EYS: variants seen among roughly 807,000 people sequenced by gnomAD.
EYS encodes EGF-like photoreceptor maintenance factor.
Under a neutral mutation model 282.1 loss-of-function variants are expected in EYS, and 250 were observed. That is an observed-to-expected ratio of 0.89 (90% CI 0.80 to 0.98). The LOEUF (loss-of-function observed/expected upper bound fraction) is 0.98, where lower values mean the gene tolerates loss of function less well. EYS is among the 50% of genes least tolerant of loss of function. The pLI, the probability that EYS is intolerant of heterozygous loss-of-function variation, is 0.00. For synonymous variants in EYS, 1,355 were observed against 1,282.9 expected, an observed-to-expected ratio of 1.06 and a Z score of -1.20; for missense variants, 4,016 against 3,709.0, an observed-to-expected ratio of 1.08 and a Z score of -2.15.
chr6:64,628,012 G>T (rs1199013470), intron 22 of EYS, among the ~76,000 whole-genome samples: 1 of 152,114 alleles, frequency 6.6e-6, no homozygotes, highest in Admixed American at 6.5e-5. Context: ...CCAGGGAGGC[G>T]GAGCTTGCAG....
intron 2 of EYS, among the ~76,000 whole-genome samples, chr6:65,609,083 T>C (rs1334466218): frequency 6.6e-6 from 1 of 152,064 alleles, no homozygotes; most frequent in Admixed American, 6.6e-5. Flanking sequence ...CATAATCTTT[T>C]ATTATAAAGT....
intron 12 of EYS, among the ~76,000 whole-genome samples, chr6:65,067,695 A>T (rs1027007530): frequency 6.6e-6 from 1 of 152,124 alleles, no homozygotes. Context: ...ATTTGCAAGT[A>T]ATGTCTCCCA....
At chr6:64,495,028 G>C (rs4590249) in intron 26 of EYS, among the ~76,000 whole-genome samples, 63,919 of 151,246 alleles carry the variant, frequency 0.42, 14,221 homozygotes, top group African/African-American at 0.59. Flanking sequence ...TAATTACTGT[G>C]ATATGTAAGA....
intron 41 of EYS, among the ~76,000 whole-genome samples, chr6:63,730,443 A>T (rs1478069882): frequency 2.6e-5 from 4 of 152,176 alleles, no homozygotes; most frequent in Admixed American, 6.5e-5. Context: ...GCTTTGCATG[A>T]TTTGGCCTCC....
rs1368835147 is a variant in EYS, at chr6:64,686,787, A to G, written c.3444-60542T>C. Among the ~76,000 whole-genome samples, 22 of 12,988 alleles carry G rather than the reference A, an allele frequency of 1.7e-3. 2 individuals are homozygous for G. Among genetic ancestry groups the G allele is most frequent in the African/African-American group, 2.6e-3 (15 of 5,736 alleles). The allele number at this position is 12,988 out of a possible 152,430, so 8.5% of individuals were successfully genotyped here. On this transcript the variant is annotated intron_variant, in intron 22 of 42. Coordinates refer to ENST00000503581, the MANE Select transcript of EYS (RefSeq NM_001142800.2). ...TGTGTGTATATATATATATATATATATGTGTGTATATATATATGTGTGTAT... is the reference window on the plus strand; with the variant it reads ...TGTGTGTATATATATATATATATATGTGTGTGTATATATATATGTGTGTAT...
chr6:64,939,576 C>A (rs1415954078), intron 15 of EYS, among the ~76,000 whole-genome samples: 3 of 151,650 alleles, frequency 2.0e-5, no homozygotes, highest in Non-Finnish European at 2.9e-5. Flanking sequence ...CCATGTTGGA[C>A]AATAAATTAA....
intron 22 of EYS, among the ~76,000 whole-genome samples, chr6:64,771,589 T>C (rs1773523432): frequency 6.6e-6 from 1 of 151,812 alleles, no homozygotes; most frequent in African/African-American, 2.4e-5. Flanking sequence ...TAGGGCTTCA[T>C]TGCAATTCAT....
intron 26 of EYS, among the ~76,000 whole-genome samples, chr6:64,543,210 T>C (rs917382073): frequency 6.6e-6 from 1 of 152,122 alleles, no homozygotes; most frequent in African/African-American, 2.4e-5. Flanking sequence ...TCTGGAGCTT[T>C]TTAAGTTTTG....
chr6:65,412,037 G>A (rs1287570009), intron 5 of EYS, among the ~76,000 whole-genome samples: 1 of 152,014 alleles, frequency 6.6e-6, no homozygotes, highest in Non-Finnish European at 1.5e-5. Flanking sequence ...ATTAGATTAT[G>A]ACAGTGGAGC....
At chr6:64,006,503 G>A (rs1768354090) in intron 33 of EYS, among the ~76,000 whole-genome samples, 1 of 152,042 alleles carries the variant, frequency 6.6e-6, no homozygotes, top group Non-Finnish European at 1.5e-5. Context: ...TGATTGCTCT[G>A]GCTAAGACTT....
chr6:65,240,607 G>C (rs1196848406), intron 12 of EYS, among the ~76,000 whole-genome samples: 6 of 152,124 alleles, frequency 3.9e-5, no homozygotes, highest in African/African-American at 7.2e-5. Context: ...CACTGCAAAG[G>C]ATGTGATTTT....
rs369819767 is a variant in EYS, at chr6:65,442,853, T to C, written c.863-37486A>G. On this transcript the variant is annotated intron_variant, in intron 5 of 42. Coordinates refer to ENST00000503581, the MANE Select transcript of EYS (RefSeq NM_001142800.2). ...ATATATACATACATATACACATACA[T>C]ATGTACATATATACATACATATACA... Among the ~76,000 whole-genome samples the C allele has an allele frequency of 2.2e-4, 23 of 102,238 alleles. 6 individuals carry two copies. Among genetic ancestry groups the C allele is most frequent in the South Asian group, 1.2e-3 (4 of 3,346 alleles). 67.1% of individuals were successfully genotyped at this position (102,238 alleles called of 152,430 possible). A position where few individuals can be genotyped will look rare whatever the true frequency, so the allele number is the denominator to read the frequency against.
intron 35 of EYS, among the ~76,000 whole-genome samples, chr6:63,866,173 C>T (rs531122073): frequency 6.6e-6 from 1 of 152,218 alleles, no homozygotes; most frequent in South Asian, 2.1e-4. Flanking sequence ...TTCCTTGTTT[C>T]CTGAGAATAG....
At chr6:64,239,508 C>T (rs35507550) in intron 30 of EYS, among the ~76,000 whole-genome samples, 47,555 of 151,846 alleles carry the variant, frequency 0.31, 7,458 homozygotes, top group East Asian at 0.51. Flanking sequence ...GACAAGTGAT[C>T]ATGAGCTTTT....
intron 22 of EYS, among the ~76,000 whole-genome samples, chr6:64,731,690 G>A (rs1771971938): frequency 6.6e-6 from 1 of 152,192 alleles, no homozygotes; most frequent in Non-Finnish European, 1.5e-5. Flanking sequence ...TGGAGAAATA[G>A]GAATGCTTTT....
intron 2 of EYS, among the ~76,000 whole-genome samples, chr6:65,636,749 A>G (rs1767101917): frequency 1.3e-5 from 2 of 152,022 alleles, no homozygotes; most frequent in South Asian, 4.1e-4. Flanking sequence ...ACTCTTAAGT[A>G]TTTGCTTTTT....
intron 29 of EYS, among the ~76,000 whole-genome samples, chr6:64,374,981 T>C (rs993952710): frequency 6.6e-6 from 1 of 152,222 alleles, no homozygotes; most frequent in African/African-American, 2.4e-5. Flanking sequence ...TTCTCTTCAC[T>C]GACTCTTAGC....
At chr6:64,032,178 G>A (rs1769882321) in intron 33 of EYS, among the ~76,000 whole-genome samples, 1 of 151,952 alleles carries the variant, frequency 6.6e-6, no homozygotes, top group East Asian at 1.9e-4. Context: ...GCGAGACCAC[G>A]AACCCACCAG....
intron 33 of EYS, among the ~76,000 whole-genome samples, chr6:64,054,929 T>C (rs1271319744): frequency 3.9e-5 from 6 of 152,220 alleles, no homozygotes; most frequent in African/African-American, 1.4e-4. Flanking sequence ...AAGTGAAGTT[T>C]TCAGCACATG....
Sources: allele counts gnomAD v4.1 joint callset (sites outside exome capture counted in the v4.1 genomes callset), GRCh38; gene constraint gnomAD v4.1.1; transcripts MANE v1.5; gene names NCBI Gene and HGNC (gene_info 2026-07-23, HGNC 2026-07-21).